PDZD2: variants seen among roughly 807,000 people sequenced by gnomAD.
PDZD2 encodes PDZ domain containing 2.
PDZD2 carries 90 observed loss-of-function variants against 220.7 expected under a neutral mutation model. That is an observed-to-expected ratio of 0.41 (90% CI 0.34 to 0.49). PDZD2 has a LOEUF of 0.49. Ranked by LOEUF, PDZD2 falls within the 20% of genes least tolerant of loss-of-function variation. The pLI is 0.28. For synonymous variants in PDZD2, 1,375 were observed against 1,450.5 expected, an observed-to-expected ratio of 0.95 and a Z score of 1.18; for missense variants, 3,174 against 3,608.5, an observed-to-expected ratio of 0.88 and a Z score of 3.08.
chr5:31,658,378 C>T (rs73751818), intron 1 of PDZD2, among the ~76,000 whole-genome samples: 5,605 of 152,272 alleles, frequency 0.037, 331 homozygotes, highest in African/African-American at 0.13. Flanking sequence ...TCTTTCCTTC[C>T]TGCTTCTGAG....
chr5:31,975,795 TTTTTTTTATTTA>T (rs1254709808), intron 2 of PDZD2, among the ~76,000 whole-genome samples: 1,915 of 44,410 alleles, frequency 0.043, 211 homozygotes, highest in African/African-American at 0.16. Context: ...ATCAGTCACT[TTTTTTTTATTTA>T]TTTTTTTTTT....
At chr5:31,991,757 G>A (rs372206825) in intron 3 of PDZD2, among the ~76,000 whole-genome samples, 2 of 152,164 alleles carry the variant, frequency 1.3e-5, no homozygotes, top group East Asian at 3.9e-4. Context: ...GGCCCGGCAC[G>A]GTGGCTCACG....
rs149581282 is a variant in PDZD2 at position 31,708,379 on chromosome 5, C to T, written c.-361+68942C>T. On this transcript the variant is annotated intron_variant, in intron 1 of 24. Coordinates refer to ENST00000438447, the MANE Select transcript of PDZD2 (RefSeq NM_178140.4). Reference sequence around the variant, plus strand: ...GAAACCAGTGTCCTAGAAGAGGGGCCACGTGGCAGGAGCCTGGCCGTTTGT... The same window carrying T: ...GAAACCAGTGTCCTAGAAGAGGGGCTACGTGGCAGGAGCCTGGCCGTTTGT... Among the ~76,000 whole-genome samples the T allele has an allele frequency of 1.5e-4, 23 of 152,312 alleles. No individual in the cohort carries two copies. In the East Asian group the frequency reaches 4.2e-3, roughly 28 times the overall value.
chr5:32,047,191 GA>G (rs1174882610), intron 7 of PDZD2, among the ~76,000 whole-genome samples: 1 of 152,108 alleles, frequency 6.6e-6, no homozygotes, highest in Non-Finnish European at 1.5e-5. Context: ...TGTATGAAAA[GA>G]ATCTTGATCT....
intron 14 of PDZD2, among the ~76,000 whole-genome samples, chr5:32,067,297 AAT>A (rs2112369654): frequency 6.6e-6 from 1 of 152,356 alleles, no homozygotes; most frequent in South Asian, 2.1e-4. Context: ...GGAAGAAAGT[AAT>A]AGAAGTCCAT....
At chr5:31,748,887 G>A (rs1054106105) in intron 1 of PDZD2, among the ~76,000 whole-genome samples, 3 of 152,216 alleles carry the variant, frequency 2.0e-5, no homozygotes, top group African/African-American at 7.2e-5. Context: ...TGTTGCACCT[G>A]GGAGTGTGTG....
chr5:31,749,574 C>T (rs1056370277), intron 1 of PDZD2, among the ~76,000 whole-genome samples: 1 of 152,150 alleles, frequency 6.6e-6, no homozygotes, highest in African/African-American at 2.4e-5. Context: ...CGGGCGCCCG[C>T]CACCATGCCT....
At chr5:31,946,570 A>G (rs1746653220) in intron 2 of PDZD2, among the ~76,000 whole-genome samples, 2 of 152,222 alleles carry the variant, frequency 1.3e-5, no homozygotes, top group South Asian at 4.1e-4. Flanking sequence ...CCAGTGAGTG[A>G]TAGATGATTA....
rs552995022 is a variant in PDZD2, at chr5:32,001,000, C to T, written c.1254+729C>T. 9.1e-4 allele frequency among the ~76,000 whole-genome samples: 139 copies of T among 152,280 alleles called. No individual in the cohort carries two copies. The highest frequency in any genetic ancestry group is 3.2e-3 in the African/African-American group (134 of 41,568). On this transcript the variant is annotated intron_variant, in intron 5 of 24. Transcript: ENST00000438447. This position sits in a 1 kb window ranked among gnomAD's most constrained non-coding sequence, Gnocchi z 4.5. ...GCGGCACTGGACTCTCATAGGAATGCGAGCCCTATTGTGAACCGCACACGC... is the reference window on the plus strand; with the variant it reads ...GCGGCACTGGACTCTCATAGGAATGTGAGCCCTATTGTGAACCGCACACGC...
intron 1 of PDZD2, among the ~76,000 whole-genome samples, chr5:31,774,915 G>C (rs144533314): frequency 1.4e-3 from 217 of 152,340 alleles, no homozygotes; most frequent in Non-Finnish European, 2.2e-3. Context: ...ATGGCTGGCA[G>C]GGAGGGGCCA....
intron 14 of PDZD2, among the ~76,000 whole-genome samples, chr5:32,061,942 TA>T (rs773658014): frequency 6.6e-6 from 1 of 152,222 alleles, no homozygotes; most frequent in Admixed American, 6.5e-5. Context: ...ACTTTAAAAA[TA>T]TTTTTTTAAA....
chr5:32,076,299 A>C (rs1398072737), intron 18 of PDZD2, among the ~76,000 whole-genome samples: 3 of 151,696 alleles, frequency 2.0e-5, no homozygotes, highest in Non-Finnish European at 2.9e-5. Context: ...AAAAAAAAAA[A>C]AAAAAAAAAA....
At chr5:31,862,563 C>CTTTTT (rs34086606) in intron 2 of PDZD2, among the ~76,000 whole-genome samples, 1 of 128,198 alleles carries the variant, frequency 7.8e-6, no homozygotes, top group Non-Finnish European at 1.7e-5. Context: ...CTTTTCTTTT[C>CTTTTT]TTTTTTTTTT....
At chr5:31,909,030 G>C (rs1338746231) in intron 2 of PDZD2, 1 of 231,464 alleles carries the variant, frequency 4.3e-6, no homozygotes, top group Admixed American at 5.3e-5. Context: ...AACAGAGCAA[G>C]ACTCTGTCTC....
chr5:31,992,267 T>TG (rs1348616591), intron 3 of PDZD2, among the ~76,000 whole-genome samples: 3 of 152,170 alleles, frequency 2.0e-5, no homozygotes, highest in Non-Finnish European at 4.4e-5. Flanking sequence ...GTAGTGTAGT[T>TG]GGGGGCTGTA....
intron 2 of PDZD2, among the ~76,000 whole-genome samples, chr5:31,806,291 G>A (rs1383383093): frequency 6.6e-6 from 1 of 152,260 alleles, no homozygotes; most frequent in South Asian, 2.1e-4. Flanking sequence ...TTAGTTTAGG[G>A]TCGATTTGGA....
At chr5:31,949,217 C>A (rs574731107) in intron 2 of PDZD2, among the ~76,000 whole-genome samples, 32 of 151,400 alleles carry the variant, frequency 2.1e-4, no homozygotes, top group Non-Finnish European at 3.4e-4. Flanking sequence ...TAGAGAATCT[C>A]ATTTTTTTTT....
At chr5:31,748,264 C>CA (rs1360225799) in intron 1 of PDZD2, among the ~76,000 whole-genome samples, 2 of 152,168 alleles carry the variant, frequency 1.3e-5, no homozygotes, top group African/African-American at 4.8e-5. Flanking sequence ...CTGTTGTTGT[C>CA]ACATCTATTT....
At chr5:32,022,493 C>A (rs867506923) in intron 6 of PDZD2, among the ~76,000 whole-genome samples, 1 of 151,904 alleles carries the variant, frequency 6.6e-6, no homozygotes, top group African/African-American at 2.4e-5. Flanking sequence ...AGGTATGAGC[C>A]CCCGCACCCA....
Sources: allele counts gnomAD v4.1 joint callset (sites outside exome capture counted in the v4.1 genomes callset), GRCh38; gene constraint gnomAD v4.1.1; non-coding constraint Gnocchi (gnomAD v3.1); transcripts MANE v1.5; gene names NCBI Gene and HGNC (gene_info 2026-07-23, HGNC 2026-07-21).